DNAAF5: variants seen among roughly 807,000 people sequenced by gnomAD.
DNAAF5 encodes the protein HEAT repeat containing 2.
A neutral mutation model predicts 75.8 loss-of-function variants in DNAAF5; 64 were observed. That is an observed-to-expected ratio of 0.84 (90% CI 0.69 to 1.04). The LOEUF is 1.04. DNAAF5 is among the 50% of genes least tolerant of loss of function. The pLI, the probability that DNAAF5 is intolerant of heterozygous loss-of-function variation, is 0.00. For missense variants in DNAAF5, 1,269 were observed against 1,178.5 expected, an observed-to-expected ratio of 1.08 and a Z score of -1.12; for synonymous variants, 657 against 557.2, an observed-to-expected ratio of 1.18 and a Z score of -2.52.
intron 9 of DNAAF5, chr7:772,320 A>T (rs1411869720): frequency 6.6e-6 from 1 of 152,262 alleles, no homozygotes; most frequent in Non-Finnish European, 1.5e-5. Flanking sequence ...GAACTTCAGA[A>T]ATCCAAAATG....
intron 4 of DNAAF5, among the ~76,000 whole-genome samples, chr7:746,853 G>C (rs1163952942): frequency 1.3e-5 from 2 of 152,228 alleles, no homozygotes; most frequent in Non-Finnish European, 2.9e-5. Flanking sequence ...CTGCTGCTGT[G>C]GGCTGCGTCC....
intron 12 of DNAAF5, among the ~76,000 whole-genome samples, chr7:780,542 A>T (rs1778901771): frequency 6.6e-6 from 1 of 152,266 alleles, no homozygotes; most frequent in African/African-American, 2.4e-5. Flanking sequence ...CATCTTCCAT[A>T]CAGTCAGTCA....
At chr7:735,060 G>C (rs545089989) in intron 2 of DNAAF5, among the ~76,000 whole-genome samples, 2 of 150,128 alleles carry the variant, frequency 1.3e-5, no homozygotes, top group Non-Finnish European at 3.0e-5. Context: ...TCACAGTGTC[G>C]TTGCTCATAT....
At chr7:741,064 G>T (rs145951674) in intron 3 of DNAAF5, 121 bp downstream of exon 3, 2 of 1,202,570 alleles carry the variant, frequency 1.7e-6, no homozygotes, top group East Asian at 4.7e-5. Context: ...CCTGTGCTCC[G>T]AAGGGATGTG....
chr7:741,450 C>CAA lies in DNAAF5; in HGVS notation c.1010_1011insAA (p.His337GlnfsTer42). On this transcript the variant is annotated frameshift_variant, in exon 4 of 13. Coordinates refer to ENST00000297440, the MANE Select transcript of DNAAF5 (RefSeq NM_017802.4). LOFTEE classifies it high-confidence loss of function. ...GGACTTTGCCCCTCCCACCCCACCCCATTACCCTCCACATGGTGAGTGACC... is the reference window on the plus strand; with the variant it reads ...GGACTTTGCCCCTCCCACCCCACCCCAAATTACCCTCCACATGGTGAGTGACC... The CAA allele has an allele frequency of 6.4e-7, 1 of 1,552,768 alleles. No homozygotes were observed. The highest frequency in any genetic ancestry group is 8.7e-7 in the Non-Finnish European group (1 of 1,143,996).
chr7:733,596 A>C (rs1481301151), intron 2 of DNAAF5, among the ~76,000 whole-genome samples: 1 of 152,036 alleles, frequency 6.6e-6, no homozygotes, highest in Non-Finnish European at 1.5e-5. Context: ...TCCCAGGTTC[A>C]CGCCATTCTC....
chr7:768,255 G>C (rs373432737), intron 8 of DNAAF5, among the ~76,000 whole-genome samples: 37 of 146,958 alleles, frequency 2.5e-4, no homozygotes, highest in African/African-American at 8.3e-4. Context: ...TCCGTGCTGC[G>C]AGGAGGAGCT....
chr7:748,644 A>G (rs914964319), intron 4 of DNAAF5, among the ~76,000 whole-genome samples: 2 of 151,146 alleles, frequency 1.3e-5, no homozygotes, highest in Non-Finnish European at 1.5e-5. Context: ...CCCCTACCAC[A>G]GTGGAGGTGC....
chr7:756,733 T>C, intron 5 of DNAAF5, 49 bp from the exon 6 acceptor site: 1 of 1,582,856 alleles, frequency 6.3e-7, no homozygotes, highest in Non-Finnish European at 8.7e-7. Context: ...GGAGCCCGGC[T>C]GAGACCCTCG....
intron 2 of DNAAF5, among the ~76,000 whole-genome samples, chr7:737,863 G>A (rs563695363): frequency 2.6e-5 from 4 of 152,260 alleles, no homozygotes; most frequent in South Asian, 2.1e-4. Flanking sequence ...TTGATCTTTG[G>A]GAGTTTGATT....
chr7:751,931 T>A (rs1782309515), intron 4 of DNAAF5, among the ~76,000 whole-genome samples: 1 of 151,984 alleles, frequency 6.6e-6, no homozygotes, highest in South Asian at 2.1e-4. Context: ...TCTGTAGAAA[T>A]CGACAAACTG....
intron 7 of DNAAF5, among the ~76,000 whole-genome samples, chr7:763,341 G>A (rs1264605684): frequency 6.6e-6 from 1 of 152,174 alleles, no homozygotes; most frequent in Non-Finnish European, 1.5e-5. Flanking sequence ...CCCCCAAGGA[G>A]AGCAGCCAGC....
intron 8 of DNAAF5, among the ~76,000 whole-genome samples, chr7:766,488 G>A (rs969857690): frequency 4.0e-5 from 6 of 151,878 alleles, no homozygotes; most frequent in African/African-American, 1.5e-4. Flanking sequence ...AGAGGATGGG[G>A]GATCTACAAA....
rs11439744 is a variant in DNAAF5, at chr7:751,570, A to AT, written c.1025-2998dup. On this transcript the variant is annotated intron_variant, in intron 4 of 12. Coordinates refer to ENST00000297440, the MANE Select transcript of DNAAF5 (RefSeq NM_017802.4). ...ATTTCTATCTTTACAGTTGTTCTGA[A>AT]TTTTTTTTTTTTTTTTTTTTTGAGA... Among the ~76,000 whole-genome samples, 412 of 92,250 alleles carry AT rather than the reference A, an allele frequency of 4.5e-3. 9 individuals are homozygous for AT. The highest frequency in any genetic ancestry group is 7.1e-3 in the African/African-American group (167 of 23,360). The allele number at this position is 92,250 out of a possible 152,430, so 60.5% of individuals were successfully genotyped here.
At position 726,878 on chromosome 7, in the gene DNAAF5, T is replaced by G; in HGVS notation, c.158T>G (p.Leu53Arg). The part of the protein sequence containing the change: ...KPGRRRALEA[L>R]RRALEEPGPA... ...GGCCGGCGGCGCGCCTTGGAGGCCCTGCGGCGCGCGCTGGAGGAGCCAGGC... is the reference window on the plus strand; with the variant it reads ...GGCCGGCGGCGCGCCTTGGAGGCCCGGCGGCGCGCGCTGGAGGAGCCAGGC... The change falls in exon 1 of 13, where the codon CTG becomes CGG. Residue 53 changes from leucine (L) to arginine (R), a missense_variant. Leu to Arg is a moderately radical substitution (Grantham distance 102). Transcript: ENST00000297440. 1.5e-6 allele frequency: 2 copies of G among 1,326,610 alleles called. No individual in the cohort carries two copies. The highest frequency in any genetic ancestry group is 1.9e-6 in the Non-Finnish European group (2 of 1,040,498). The allele number at this position is 1,326,610 out of a possible 1,614,324, so 82.2% of individuals were successfully genotyped here.
At chr7:755,715 A>G (rs1388737133) in intron 5 of DNAAF5, among the ~76,000 whole-genome samples, 1 of 152,212 alleles carries the variant, frequency 6.6e-6, no homozygotes. Context: ...TGGGCGACGG[A>G]ATGAGACGCT....
Position 785,536 on chromosome 7 carries a change from C to T in DNAAF5, c.2451C>T (p.Ser817=), listed in dbSNP as rs142621969. The change falls in exon 13 of 13, where the codon AGC becomes AGT. Residue 817 remains serine (S), a synonymous_variant. Transcript: ENST00000297440. ...DAILEVLKEG[S]GLFPDLLVRE... Reference sequence around the variant, plus strand: ...TTACAGAGGTCCTCAAAGAGGGCAGCGGGCTGTTCCCAGATCTCCTGGTGA... The same window carrying T: ...TTACAGAGGTCCTCAAAGAGGGCAGTGGGCTGTTCCCAGATCTCCTGGTGA... 16 of 1,613,634 alleles carry T rather than the reference C, an allele frequency of 9.9e-6. No homozygotes were observed. The highest frequency in any genetic ancestry group is 3.3e-5 in the Admixed American group (2 of 60,010).
intron 4 of DNAAF5, among the ~76,000 whole-genome samples, chr7:753,063 G>A (rs1047783336): frequency 6.6e-6 from 1 of 152,250 alleles, no homozygotes; most frequent in Admixed American, 6.5e-5. Flanking sequence ...ACCGCGTGCC[G>A]CTGAGAGTGG....
In DNAAF5 at chr7:727,149, G is replaced by A; in HGVS notation, c.429G>A (p.Leu143=). 1 of 1,262,788 alleles carries A rather than the reference G, an allele frequency of 7.9e-7. No individual in the cohort carries two copies. Among genetic ancestry groups the A allele is most frequent in the South Asian group, 2.2e-5 (1 of 44,924 alleles). 78.2% of individuals were successfully genotyped at this position (1,262,788 alleles called of 1,614,324 possible). A position where few individuals can be genotyped will look rare whatever the true frequency, so the allele number is the denominator to read the frequency against. Residue 143 remains leucine, a synonymous_variant, in exon 1 of 13, where the codon CTG becomes CTA. Transcript: ENST00000297440. ...RPPEACEELR[L]ALVQLLGLAV... ...CCGAGGCCTGTGAGGAGCTGCGCCTGGCGCTTGTGCAGCTGCTGGGCCTGG... is the reference window on the plus strand; with the variant it reads ...CCGAGGCCTGTGAGGAGCTGCGCCTAGCGCTTGTGCAGCTGCTGGGCCTGG...
Sources: allele counts gnomAD v4.1 joint callset (sites outside exome capture counted in the v4.1 genomes callset), GRCh38; gene constraint gnomAD v4.1.1; transcripts MANE v1.5; gene names NCBI Gene and HGNC (gene_info 2026-07-23, HGNC 2026-07-21).